TSGA10: variants seen among roughly 807,000 people sequenced by gnomAD.
The protein encoded by TSGA10 is testis specific 10.
TSGA10 carries 43 observed loss-of-function variants against 96.6 expected under a neutral mutation model. The observed-to-expected ratio is 0.44, with a 90% CI of 0.35 to 0.57. The LOEUF (loss-of-function observed/expected upper bound fraction) is 0.57, where lower values mean the gene tolerates loss of function less well. TSGA10 is among the 20% of genes least tolerant of loss of function. TSGA10 has a pLI of 0.01. For synonymous variants in TSGA10, 229 were observed against 269.9 expected, an observed-to-expected ratio of 0.85 and a Z score of 1.48; for missense variants, 703 against 834.4, an observed-to-expected ratio of 0.84 and a Z score of 1.94.
chr2:99,077,443 T>C (rs2086849379), intron 12 of TSGA10, among the ~76,000 whole-genome samples: 1 of 152,244 alleles, frequency 6.6e-6, no homozygotes, highest in African/African-American at 2.4e-5. Flanking sequence ...CTTATTCCAA[T>C]GATGCTGCTT....
intron 10 of TSGA10, among the ~76,000 whole-genome samples, chr2:99,086,480 TAAAGA>T (rs895966832): frequency 3.3e-5 from 5 of 152,210 alleles, no homozygotes; most frequent in Non-Finnish European, 7.3e-5. Context: ...AACAGACTGA[TAAAGA>T]AATAATTATG....
rs543253463 is a variant in TSGA10, at chr2:99,151,818, C to G, written c.-621+2875G>C. 2.0e-3 allele frequency among the ~76,000 whole-genome samples: 299 copies of G among 150,686 alleles called. 8 individuals are homozygous for G. Among genetic ancestry groups the G allele is most frequent in the Admixed American group, 0.02 (295 of 15,056 alleles). On this transcript the variant is annotated intron_variant, in intron 1 of 20. Transcript: ENST00000393483. The stretch of plus-strand genomic sequence containing the variant: ...CACCAATATTTAATATGAGAAAAAA[C>G]AACCTGTTTAAAAACCTTGTTTTGT...
chr2:99,088,949 A>C (rs768724508), intron 10 of TSGA10, among the ~76,000 whole-genome samples: 14 of 152,210 alleles, frequency 9.2e-5, no homozygotes, highest in Non-Finnish European at 1.9e-4. Flanking sequence ...GTGGAGACTC[A>C]CGTTGTGAAC....
rs529999646 is a variant in TSGA10, at chr2:99,154,820, C to G, written c.-748G>C. The G allele has an allele frequency of 9.1e-6, 3 of 329,818 alleles. No homozygotes were observed. Among genetic ancestry groups the G allele is most frequent in the Non-Finnish European group, 1.8e-5 (3 of 166,646 alleles). 20.4% of individuals were successfully genotyped at this position (329,818 alleles called of 1,614,324 possible). On this transcript the variant is annotated 5_prime_UTR_variant, in exon 1 of 21. Coordinates refer to ENST00000393483, the MANE Select transcript of TSGA10 (RefSeq NM_025244.4). ...GTCCCTGCCTGGAACCTGGTTCCCGCCCTGAAGGACCCTTACTTAGCACTC... is the reference window on the plus strand; with the variant it reads ...GTCCCTGCCTGGAACCTGGTTCCCGGCCTGAAGGACCCTTACTTAGCACTC...
At chr2:99,026,108 T>C (rs1163130936) in intron 17 of TSGA10, among the ~76,000 whole-genome samples, 1 of 152,216 alleles carries the variant, frequency 6.6e-6, no homozygotes, top group Admixed American at 6.5e-5. Context: ...CAATTTGGTT[T>C]TTGTGTTGTT....
chr2:99,006,326 CAAAAGA>C (rs2078468674), intron 20 of TSGA10, among the ~76,000 whole-genome samples: 1 of 152,028 alleles, frequency 6.6e-6, no homozygotes, highest in South Asian at 2.1e-4. Context: ...TTCTGCACAG[CAAAAGA>C]AACTACCATC....
intron 20 of TSGA10, among the ~76,000 whole-genome samples, chr2:99,003,620 C>G (rs1199404986): frequency 6.6e-6 from 1 of 152,170 alleles, no homozygotes; most frequent in Non-Finnish European, 1.5e-5. Context: ...ATAGTGCAAT[C>G]AATCAAATTA....
chr2:99,137,670 A>C (rs936572310), intron 1 of TSGA10, among the ~76,000 whole-genome samples: 9 of 152,100 alleles, frequency 5.9e-5, no homozygotes, highest in African/African-American at 2.2e-4. Flanking sequence ...GCAACAGTGG[A>C]AGCGGAAAGA....
intron 16 of TSGA10, among the ~76,000 whole-genome samples, chr2:99,044,750 C>T (rs1264641753): frequency 6.6e-6 from 1 of 152,166 alleles, no homozygotes; most frequent in Non-Finnish European, 1.5e-5. Context: ...CCTCATCACA[C>T]TTATTCTAAA....
intron 1 of TSGA10, among the ~76,000 whole-genome samples, chr2:99,152,600 GTTGA>G (rs2093703976): frequency 6.6e-6 from 1 of 152,242 alleles, no homozygotes; most frequent in East Asian, 1.9e-4. Context: ...TTGAAAGCAA[GTTGA>G]TTAAGAAAGT....
At position 99,105,656 on chromosome 2, in the gene TSGA10, T is replaced by G; in HGVS notation, c.252A>C (p.Lys84Asn). The G allele has an allele frequency of 6.3e-7, 1 of 1,593,744 alleles. No homozygotes were observed. The highest frequency in any genetic ancestry group is 8.6e-7 in the Non-Finnish European group (1 of 1,163,048). Residue 84 changes from lysine (K) to asparagine (N), a missense_variant, in exon 8 of 21, where the codon AAA becomes AAC. By Grantham distance (94) the Lys-to-Asn change is moderately conservative (BLOSUM62 0). Coordinates refer to ENST00000393483, the MANE Select transcript of TSGA10 (RefSeq NM_025244.4). ...EITRLRREMM[K>N]SCKSPKSTTA... is the part of the protein sequence containing the mutation. ...TTGTTGATTTAGGACTCTTACAGCT[T>G]TTCATCATTTCTCGTCGAAGTCGGG...
At chr2:99,002,990 C>G (rs1430538776) in intron 20 of TSGA10, among the ~76,000 whole-genome samples, 1 of 152,030 alleles carries the variant, frequency 6.6e-6, no homozygotes, top group Admixed American at 6.6e-5. Flanking sequence ...TTCTGAGTAG[C>G]TGAGATTATA....
At chr2:99,123,343 G>A (rs1186714381) in intron 2 of TSGA10, among the ~76,000 whole-genome samples, 5 of 151,536 alleles carry the variant, frequency 3.3e-5, no homozygotes, top group Non-Finnish European at 7.4e-5. Context: ...CTTTTTTGTC[G>A]AACATAGTTT....
chr2:99,044,253 C>A (rs1015586221), intron 16 of TSGA10, among the ~76,000 whole-genome samples: 1 of 151,470 alleles, frequency 6.6e-6, no homozygotes, highest in African/African-American at 2.4e-5. Context: ...AGTCAAGACC[C>A]ACTGGTGTGC....
intron 15 of TSGA10, among the ~76,000 whole-genome samples, chr2:99,065,364 A>C (rs1027915733): frequency 6.6e-6 from 1 of 152,222 alleles, no homozygotes; most frequent in Non-Finnish European, 1.5e-5. Flanking sequence ...TAGTAAATTT[A>C]GGTAAATTAC....
chr2:99,018,139 TG>T, intron 20 of TSGA10, 60 bp downstream of exon 20: 1 of 1,552,020 alleles, frequency 6.4e-7, no homozygotes, highest in Non-Finnish European at 8.8e-7. Flanking sequence ...TTACCCCAAA[TG>T]TTCACTATAC....
chr2:99,087,128 C>G (rs752249115), intron 10 of TSGA10, among the ~76,000 whole-genome samples: 4 of 152,042 alleles, frequency 2.6e-5, no homozygotes, highest in Non-Finnish European at 5.9e-5. Context: ...GGCGTGAACC[C>G]GGGAGGCAGA....
At chr2:99,029,419 A>AT (rs943035170) in intron 17 of TSGA10, among the ~76,000 whole-genome samples, 1 of 152,088 alleles carries the variant, frequency 6.6e-6, no homozygotes, top group African/African-American at 2.4e-5. Flanking sequence ...CAGTAAATGT[A>AT]TTTAAAAAAA....
At chr2:99,056,829 A>C (rs1362314024) in intron 16 of TSGA10, among the ~76,000 whole-genome samples, 1 of 151,558 alleles carries the variant, frequency 6.6e-6, no homozygotes, top group Non-Finnish European at 1.5e-5. Context: ...AAAAAAAAAA[A>C]AAAAAACTAG....
Sources: gnomAD v4.1 joint callset for allele counts (sites outside exome capture counted in the v4.1 genomes callset) on GRCh38, gnomAD v4.1.1 for gene constraint, MANE v1.5 for transcripts, NCBI Gene and HGNC (gene_info 2026-07-23, HGNC 2026-07-21) for gene names.